Variants in UNC13C observed in about 807,000 individuals in gnomAD.
UNC13C encodes the protein unc-13 homolog C.
In UNC13C, 174 loss-of-function variants were observed where a neutral mutation model predicts 245.4. The ratio of observed to expected loss-of-function variants is 0.71; its 90% CI spans 0.63 to 0.80. UNC13C has a LOEUF of 0.80. Among genes scored for constraint, UNC13C ranks in the 30% least tolerant of loss-of-function variants. The pLI is 0.00. For missense variants in UNC13C, 2,829 were observed against 2,602.9 expected (o/e 1.09, Z -1.89); for synonymous variants, 992 against 895.1 (o/e 1.11, Z -1.93).
intron 13 of UNC13C, among the ~76,000 whole-genome samples, chr15:54,309,865 T>A (rs2037823090): frequency 6.6e-6 from 1 of 151,886 alleles, no homozygotes; most frequent in African/African-American, 2.4e-5. Flanking sequence ...GTGTCTATTT[T>A]TATGTCAGTA....
intron 2 of UNC13C, among the ~76,000 whole-genome samples, chr15:54,119,036 C>T (rs1201591074): frequency 1.3e-5 from 2 of 150,668 alleles, no homozygotes; most frequent in Non-Finnish European, 3.0e-5. Context: ...TCCCTCCTCT[C>T]CAGTTTTTTG....
intron 4 of UNC13C, among the ~76,000 whole-genome samples, chr15:54,203,755 C>CACACACATAT (rs1555430894): frequency 1.0e-5 from 1 of 99,760 alleles, no homozygotes; most frequent in Admixed American, 9.9e-5. Context: ...TGTATATATA[C>CACACACATAT]ACATATATAT....
the UNC13C span, among the ~76,000 whole-genome samples, chr15:53,859,704 C>CA: frequency 1.3e-5 from 2 of 152,276 alleles, no homozygotes; most frequent in South Asian, 4.1e-4. Flanking sequence ...CAGAAAACTT[C>CA]ATCTAAATGG....
chr15:54,353,074 T>G (rs992015319), intron 17 of UNC13C, among the ~76,000 whole-genome samples: 2 of 152,170 alleles, frequency 1.3e-5, no homozygotes, highest in African/African-American at 4.8e-5. Context: ...TGTAATTCAT[T>G]TATTCACATA....
intron 4 of UNC13C, among the ~76,000 whole-genome samples, chr15:54,221,495 A>G (rs2035225525): frequency 6.6e-6 from 1 of 151,876 alleles, no homozygotes; most frequent in Non-Finnish European, 1.5e-5. Context: ...TATATAAAAT[A>G]CATAACGTTA....
chr15:54,594,461 G>C (rs1449551620), intron 30 of UNC13C, among the ~76,000 whole-genome samples: 1 of 152,052 alleles, frequency 6.6e-6, no homozygotes, highest in Admixed American at 6.5e-5. Flanking sequence ...GCAGGGCTAG[G>C]TGTGTCTGAG....
At chr15:54,629,879 A>T (rs1901414753), downstream of UNC13C, 1 of 152,192 alleles carries the variant, frequency 6.6e-6, no homozygotes, top group Admixed American at 6.5e-5. Context: ...GGCAGGGTGA[A>T]TTAAGTCTAT....
At chr15:54,029,257 TG>T (rs1298014800) in intron 2 of UNC13C, among the ~76,000 whole-genome samples, 1 of 152,246 alleles carries the variant, frequency 6.6e-6, no homozygotes, top group African/African-American at 2.4e-5. Context: ...GCTTTTTAAC[TG>T]TGTTGCCTCG....
chr15:54,515,484 A>C (rs2141122608), intron 24 of UNC13C, among the ~76,000 whole-genome samples: 1 of 152,314 alleles, frequency 6.6e-6, no homozygotes, highest in African/African-American at 2.4e-5. Context: ...ACATTGCTGC[A>C]GCCCATGAAA....
At chr15:54,049,061 T>G (rs1001564666) in intron 2 of UNC13C, 3 of 383,536 alleles carry the variant, frequency 7.8e-6, no homozygotes, top group Non-Finnish European at 1.5e-5. Flanking sequence ...TATCTCTATT[T>G]TTATCAATGA....
intron 2 of UNC13C, among the ~76,000 whole-genome samples, chr15:54,040,344 C>G (rs572159530): frequency 6.6e-6 from 1 of 152,052 alleles, no homozygotes; most frequent in Non-Finnish European, 1.5e-5. Context: ...ACTTAAGAAC[C>G]CTGACCTTGC....
intron 16 of UNC13C, among the ~76,000 whole-genome samples, chr15:54,335,763 A>G (rs2038558141): frequency 6.6e-6 from 1 of 152,152 alleles, no homozygotes. Flanking sequence ...CCATTCCCTC[A>G]TTGAGAGATG....
chr15:54,109,272 TCCCC>T (rs1567020540), intron 2 of UNC13C, among the ~76,000 whole-genome samples: 127 of 67,250 alleles, frequency 1.9e-3, no homozygotes, highest in South Asian at 4.2e-3. Flanking sequence ...TTCCCTCTCC[TCCCC>T]TCCCCTCCCC....
chr15:54,376,701 T>G (rs575452660), intron 17 of UNC13C, among the ~76,000 whole-genome samples: 1 of 152,260 alleles, frequency 6.6e-6, no homozygotes, highest in South Asian at 2.1e-4. Flanking sequence ...AGAAAAGCAG[T>G]AACATGTGCT....
At chr15:54,460,794 A>T (rs927949180) in intron 19 of UNC13C, among the ~76,000 whole-genome samples, 2 of 152,216 alleles carry the variant, frequency 1.3e-5, no homozygotes, top group Non-Finnish European at 2.9e-5. Context: ...AGTTCACAAA[A>T]TGAATCTCCA....
At chr15:54,563,782 C>A (rs553607186) in intron 29 of UNC13C, among the ~76,000 whole-genome samples, 122 of 152,128 alleles carry the variant, frequency 8.0e-4, no homozygotes, top group African/African-American at 2.1e-3. Context: ...ATCACCCTCA[C>A]ATTTATATCC....
intron 2 of UNC13C, among the ~76,000 whole-genome samples, chr15:54,038,119 TATATA>T (rs144408634): frequency 3.1e-5 from 2 of 65,074 alleles, no homozygotes; most frequent in African/African-American, 1.5e-4. Context: ...TATATATATA[TATATA>T]TTTTTTTTTT....
intron 1 of UNC13C, among the ~76,000 whole-genome samples, chr15:53,979,172 TC>T (rs1893823529): frequency 6.6e-6 from 1 of 152,198 alleles, no homozygotes; most frequent in Non-Finnish European, 1.5e-5. Flanking sequence ...CTGCTTAGTT[TC>T]CAGTCAACTT....
At chr15:54,408,154 G>A (rs769620015) in intron 18 of UNC13C, among the ~76,000 whole-genome samples, 3 of 132,832 alleles carry the variant, frequency 2.3e-5, no homozygotes, top group South Asian at 2.6e-4. Context: ...AAGCCGAGAT[G>A]GCGCCACTGC....
Sources: gnomAD v4.1 joint callset for allele counts (sites outside exome capture counted in the v4.1 genomes callset) on GRCh38, gnomAD v4.1.1 for gene constraint, MANE v1.5 for transcripts, NCBI Gene and HGNC (gene_info 2026-07-23, HGNC 2026-07-21) for gene names.